The following ACKR2 variants were observed in gnomAD, a reference collection of about 807,000 sequenced individuals.
The protein encoded by ACKR2 is atypical chemokine receptor 2, also known as C-C chemokine receptor D6.
For missense variants in ACKR2, 457 were observed against 477.3 expected (o/e 0.96, Z 0.40); for synonymous variants, 207 against 192.2 (o/e 1.08, Z -0.64).
rs147871814 is a variant in ACKR2, at chr3:42,832,856, G to A, written c.-38+13145G>A. ...CTACAGGCACATGCCACCACACCTG[G>A]CTAATTTTTCTATTTTTATTTTTTT... On this transcript the variant is annotated intron_variant, in intron 2 of 2. Coordinates refer to ENST00000422265, the MANE Select transcript of ACKR2 (RefSeq NM_001296.5). Among the ~76,000 whole-genome samples, 113 of 152,092 alleles carry A rather than the reference G, an allele frequency of 7.4e-4. No homozygotes were observed. In the East Asian group the frequency reaches 0.02, roughly 27 times the overall value.
intron 2 of ACKR2, among the ~76,000 whole-genome samples, chr3:42,840,752 A>G (rs1266005577): frequency 6.6e-6 from 1 of 152,194 alleles, no homozygotes; most frequent in African/African-American, 2.4e-5. Context: ...CAATGGCGCA[A>G]TCTCGGCTCA....
At position 42,865,523 on chromosome 3, in the gene ACKR2, C is replaced by G. The variant is rs747635803; in HGVS notation, c.1021C>G (p.Gln341Glu). The G allele has an allele frequency of 6.2e-7, 1 of 1,614,036 alleles. No individual in the cohort carries two copies. The highest frequency in any genetic ancestry group is 1.3e-5 in the African/African-American group (1 of 74,908). The change falls in exon 3 of 3, where the codon CAG becomes GAG. Residue 341 changes from glutamine (Q) to glutamate (E), a missense_variant. By Grantham distance (29) the Gln-to-Glu change is conservative. Transcript: ENST00000422265. ...ATGGCACCTGGCACCTGGCACTGCC[C>G]AGGCCTCATTATCCAGCTGTTCTGA... ...LGWHLAPGTAQASLSSCSESS... is the reference protein window; with the variant it reads ...LGWHLAPGTAEASLSSCSESS...
At chr3:42,814,162 A>G (rs1700725475) in intron 1 of ACKR2, among the ~76,000 whole-genome samples, 1 of 152,216 alleles carries the variant, frequency 6.6e-6, no homozygotes, top group Non-Finnish European at 1.5e-5. Flanking sequence ...TACACTTTAT[A>G]CCATATCATG....
At chr3:42,812,847 C>T (rs541650947) in intron 1 of ACKR2, among the ~76,000 whole-genome samples, 10 of 152,030 alleles carry the variant, frequency 6.6e-5, no homozygotes, top group East Asian at 5.8e-4. Context: ...CCACCACATC[C>T]GGCTAATTTT....
rs530641836 is a variant in ACKR2, at chr3:42,855,632, G to A, written c.-37-8834G>A. 3.3e-5 allele frequency among the ~76,000 whole-genome samples: 5 copies of A among 152,314 alleles called. No individual in the cohort carries two copies. The South Asian group carries it at 1.0e-3, about 32-fold the overall frequency. Reference sequence around the variant, plus strand: ...AGGATGACCTGGAAAGATTCCCAGAGTGAGAGATCAGGAGGGCAAAGGCCT... The same window carrying A: ...AGGATGACCTGGAAAGATTCCCAGAATGAGAGATCAGGAGGGCAAAGGCCT... On this transcript the variant is annotated intron_variant, in intron 2 of 2. Transcript: ENST00000422265.
At chr3:42,856,884 CCT>C (rs1241110173) in intron 2 of ACKR2, among the ~76,000 whole-genome samples, 2 of 109,212 alleles carry the variant, frequency 1.8e-5, no homozygotes, top group Non-Finnish European at 4.4e-5. Flanking sequence ...TCTCTCTCTC[CCT>C]GTCTTTCTCC....
At chr3:42,861,889 A>G (rs945978102) in intron 2 of ACKR2, among the ~76,000 whole-genome samples, 2 of 152,216 alleles carry the variant, frequency 1.3e-5, no homozygotes, top group Non-Finnish European at 2.9e-5. Context: ...ATTGGTGACA[A>G]ACCCACAGCC....
At chr3:42,855,472 A>C (rs545208836) in intron 2 of ACKR2, among the ~76,000 whole-genome samples, 2 of 152,112 alleles carry the variant, frequency 1.3e-5, no homozygotes, top group Non-Finnish European at 2.9e-5. Context: ...GATAGGAGGG[A>C]ATGGTTGCTC....
At chr3:42,825,020 A>G (rs956978922) in intron 2 of ACKR2, among the ~76,000 whole-genome samples, 1 of 152,158 alleles carries the variant, frequency 6.6e-6, no homozygotes, top group Non-Finnish European at 1.5e-5. Flanking sequence ...TCAATTGGCC[A>G]TGGATACCTG....
At chr3:42,830,581 G>A (rs529547869) in intron 2 of ACKR2, among the ~76,000 whole-genome samples, 2 of 152,310 alleles carry the variant, frequency 1.3e-5, no homozygotes, top group South Asian at 4.1e-4. Context: ...GTGTAGTGCA[G>A]GACACAAGAA....
At chr3:42,840,085 C>T (rs561454936) in intron 2 of ACKR2, among the ~76,000 whole-genome samples, 16 of 151,718 alleles carry the variant, frequency 1.1e-4, no homozygotes, top group Admixed American at 3.9e-4. Flanking sequence ...GGTGAAACCT[C>T]GTCTCTACTA....
At position 42,865,438 on chromosome 3, in the gene ACKR2, T is replaced by TG. The variant is rs767125330; in HGVS notation, c.937dup (p.Ala313GlyfsTer37). 6.2e-7 allele frequency: 1 copy of TG among 1,614,218 alleles called. No individual in the cohort carries two copies. Among genetic ancestry groups the TG allele is most frequent in the Non-Finnish European group, 8.5e-7 (1 of 1,180,044 alleles). On this transcript the variant is annotated frameshift_variant, in exon 3 of 3. Coordinates refer to ENST00000422265, the MANE Select transcript of ACKR2 (RefSeq NM_001296.5). LOFTEE classifies it low-confidence loss of function (END_TRUNC). Reference sequence around the variant, plus strand: ...ACTGCTGCTTTTCCCCCATCCTGTATGCCTTCTCCAGTCACCGCTTCCGCC... The same window carrying TG: ...ACTGCTGCTTTTCCCCCATCCTGTATGGCCTTCTCCAGTCACCGCTTCCGCC...
rs144249373 is a variant in ACKR2 at position 42,844,334 on chromosome 3, C to T, written c.-37-20132C>T. 2.4e-3 allele frequency among the ~76,000 whole-genome samples: 366 copies of T among 152,200 alleles called. 1 individual carries two copies. The highest frequency in any genetic ancestry group is 3.5e-3 in the Non-Finnish European group (241 of 67,996). The stretch of plus-strand genomic sequence containing the variant: ...CTGTGGGTGGTTGGACTTAATCCCC[C>T]AGGAGAAACTCGGGGAGACAGTGCA... On this transcript the variant is annotated intron_variant, in intron 2 of 2. Coordinates refer to ENST00000422265, the MANE Select transcript of ACKR2 (RefSeq NM_001296.5).
chr3:42,855,744 C>G (rs1244769480), intron 2 of ACKR2, among the ~76,000 whole-genome samples: 1 of 152,094 alleles, frequency 6.6e-6, no homozygotes, highest in Non-Finnish European at 1.5e-5. Flanking sequence ...AGAAAAGATT[C>G]CCAGAGTGAA....
At chr3:42,862,284 C>G (rs2088392407) in intron 2 of ACKR2, among the ~76,000 whole-genome samples, 1 of 152,124 alleles carries the variant, frequency 6.6e-6, no homozygotes, top group Non-Finnish European at 1.5e-5. Flanking sequence ...AATAAAATAC[C>G]TAAGAATACA....
intron 1 of ACKR2, among the ~76,000 whole-genome samples, chr3:42,811,322 A>G (rs1489110024): frequency 1.3e-5 from 2 of 152,194 alleles, no homozygotes; most frequent in African/African-American, 4.8e-5. Context: ...TTTAGCCCCA[A>G]CCCTGTGCTC....
intron 2 of ACKR2, among the ~76,000 whole-genome samples, chr3:42,860,178 A>AAAAAAAAAAAAAAAAAAAAAAAAAC (rs2088368672): frequency 7.0e-6 from 1 of 142,528 alleles, no homozygotes; most frequent in Non-Finnish European, 1.5e-5. Context: ...AAAAAAAAAA[A>AAAAAAAAAAAAAAAAAAAAAAAAAC]AAAAAAAAAA....
At chr3:42,848,946 A>G (rs1387662816) in intron 2 of ACKR2, among the ~76,000 whole-genome samples, 1 of 152,194 alleles carries the variant, frequency 6.6e-6, no homozygotes. Flanking sequence ...ACATTCTACA[A>G]ATGAACTGGC....
chr3:42,828,089 TA>T lies in ACKR2; in HGVS notation c.-38+8379del, dbSNP rs1338894829. On this transcript the variant is annotated intron_variant, in intron 2 of 2. Transcript: ENST00000422265. ...GATGCTTGCATTATATATATATATATATATTTTTTTTTTTTTCTTTTCTTTT... is the reference window on the plus strand; with the variant it reads ...GATGCTTGCATTATATATATATATATTATTTTTTTTTTTTTCTTTTCTTTT... Among the ~76,000 whole-genome samples the T allele has an allele frequency of 9.0e-3, 843 of 94,134 alleles. 7 individuals carry two copies. Among genetic ancestry groups the T allele is most frequent in the African/African-American group, 0.033 (810 of 24,216 alleles). 61.8% of individuals were successfully genotyped at this position (94,134 alleles called of 152,430 possible). A position where few individuals can be genotyped will look rare whatever the true frequency, so the allele number is the denominator to read the frequency against.
Sources: allele counts gnomAD v4.1 joint callset (sites outside exome capture counted in the v4.1 genomes callset), GRCh38; gene constraint gnomAD v4.1.1; transcripts MANE v1.5; gene names NCBI Gene and HGNC (gene_info 2026-07-23, HGNC 2026-07-21).